Variants in PCDH11X observed in about 807,000 individuals in gnomAD.
The protein encoded by PCDH11X is protocadherin-11 X-linked.
Under a neutral mutation model 53.3 loss-of-function variants are expected in PCDH11X, and 18 were observed. The ratio of observed to expected loss-of-function variants is 0.34; its 90% CI spans 0.23 to 0.50. The LOEUF (loss-of-function observed/expected upper bound fraction) is 0.50, where lower values mean the gene tolerates loss of function less well. PCDH11X is among the 20% of genes least tolerant of loss of function. The pLI is 0.98. For missense variants in PCDH11X, 570 were observed against 1,032.4 expected (o/e 0.55, Z 6.14); for synonymous variants, 279 against 393.3 (o/e 0.71, Z 3.44).
At chrX:92,346,796 G>A (rs1163103469) in intron 8 of PCDH11X, among the ~76,000 whole-genome samples, 1 of 111,764 alleles carries the variant, frequency 8.9e-6, no homozygotes, top group Non-Finnish European at 1.9e-5. Flanking sequence ...AATAAATAAT[G>A]CTTTAATTCA....
intron 10 of PCDH11X, among the ~76,000 whole-genome samples, chrX:92,515,953 G>A (rs2074263077): frequency 8.9e-6 from 1 of 111,963 alleles, no homozygotes; most frequent in Admixed American, 9.5e-5. Flanking sequence ...CTCTTGCAAT[G>A]TTATACTGCT....
chrX:92,340,104 A>T (rs2069718379), intron 8 of PCDH11X, among the ~76,000 whole-genome samples: 1 of 111,975 alleles, frequency 8.9e-6, no homozygotes, highest in African/African-American at 3.3e-5. Context: ...CAGGATGGTC[A>T]TTAAATCTTA....
rs1314060446 is a variant in PCDH11X, at chrX:91,791,884, C to T, written c.-379+12200C>T. On this transcript the variant is annotated intron_variant, in intron 1 of 10. Transcript: ENST00000682573. ...TTTTTTTTTTTTTTTTTTTTTGAGA[C>T]GGAGTCTCGCTCTGTCGCCCAGGCT... Among the ~76,000 whole-genome samples the T allele has an allele frequency of 8.3e-5, 7 of 84,138 alleles. No homozygotes were observed. In the South Asian group the frequency reaches 3.9e-3, roughly 47 times the overall value. The allele number at this position is 84,138 out of a possible 115,157, so 73.1% of individuals were successfully genotyped here.
chrX:92,463,973 G>T (rs1287500341), intron 9 of PCDH11X, among the ~76,000 whole-genome samples: 1 of 111,578 alleles, frequency 9.0e-6, no homozygotes, highest in Non-Finnish European at 1.9e-5. Flanking sequence ...AATGGTAATT[G>T]CATATTTTGT....
chrX:92,181,835 A>G (rs1397504836), intron 6 of PCDH11X, among the ~76,000 whole-genome samples: 4 of 112,505 alleles, frequency 3.6e-5, no homozygotes, highest in African/African-American at 1.3e-4. Flanking sequence ...AAATGCCTGG[A>G]CGTCAAGGCA....
chrX:92,359,760 C>T (rs1361064013), intron 8 of PCDH11X, among the ~76,000 whole-genome samples: 2 of 110,547 alleles, frequency 1.8e-5, no homozygotes, highest in South Asian at 3.9e-4. Context: ...CCACTATTAC[C>T]TAAGAGCATC....
At chrX:92,088,681 G>T (rs1490291808) in intron 6 of PCDH11X, among the ~76,000 whole-genome samples, 3 of 111,772 alleles carry the variant, frequency 2.7e-5, no homozygotes, top group Non-Finnish European at 3.8e-5. Context: ...CTACTGTAAA[G>T]TACGTTTCTT....
rs745651537 is a variant in PCDH11X at position 92,147,100 on chromosome X, G to T, written c.3034-54275G>T. On this transcript the variant is annotated intron_variant, in intron 6 of 10. Coordinates refer to ENST00000682573, the MANE Select transcript of PCDH11X (RefSeq NM_032968.5). Reference sequence around the variant, plus strand: ...ATCTTAAATGGGAATGAAATAAATAGCTCAGTAGAGACATTATTATTATTA... The same window carrying T: ...ATCTTAAATGGGAATGAAATAAATATCTCAGTAGAGACATTATTATTATTA... 4.6e-5 allele frequency among the ~76,000 whole-genome samples: 5 copies of T among 107,948 alleles called. No homozygotes were observed. In the South Asian group the frequency reaches 1.9e-3, roughly 41 times the overall value. 93.7% of individuals were successfully genotyped at this position (107,948 alleles called of 115,157 possible).
chrX:92,607,084 A>C lies in PCDH11X; in HGVS notation c.3368-11180A>C, dbSNP rs1485305623. On this transcript the variant is annotated intron_variant, in intron 10 of 10. Transcript: ENST00000682573. ...TGCATTTCTGATGTTTATGTAAAAT[A>C]GTGCACCCAATTTGGAAAACAATTT... is the stretch of plus-strand genomic sequence containing the variant. Among the ~76,000 whole-genome samples, 3 of 111,211 alleles carry C rather than the reference A, an allele frequency of 2.7e-5. No homozygotes were observed. In the East Asian group the frequency reaches 8.5e-4, roughly 31 times the overall value.
intron 7 of PCDH11X, among the ~76,000 whole-genome samples, chrX:92,218,663 T>C (rs2066780840): frequency 9.0e-6 from 1 of 111,102 alleles, no homozygotes; most frequent in African/African-American, 3.3e-5. Flanking sequence ...TTCCAATCAA[T>C]AGAAAAAGAG....
At chrX:92,567,937 C>A (rs1425448389) in intron 10 of PCDH11X, among the ~76,000 whole-genome samples, 2 of 109,565 alleles carry the variant, frequency 1.8e-5, no homozygotes, top group Non-Finnish European at 3.8e-5. Flanking sequence ...ATGCGACAAA[C>A]CACCATGGCA....
At chrX:92,352,696 TC>T (rs955865275) in intron 8 of PCDH11X, among the ~76,000 whole-genome samples, 4 of 111,167 alleles carry the variant, frequency 3.6e-5, no homozygotes, top group Non-Finnish European at 7.5e-5. Flanking sequence ...TGTAGTAGTC[TC>T]CCCTTTTCCT....
intron 6 of PCDH11X, among the ~76,000 whole-genome samples, chrX:92,183,761 C>A (rs1456330883): frequency 8.9e-6 from 1 of 112,059 alleles, no homozygotes; most frequent in East Asian, 2.8e-4. Flanking sequence ...AGACACACCA[C>A]GTACAGCAAA....
chrX:92,400,317 T>C (rs923213457), intron 9 of PCDH11X, among the ~76,000 whole-genome samples: 3 of 111,680 alleles, frequency 2.7e-5, no homozygotes, highest in Non-Finnish European at 5.6e-5. Flanking sequence ...TTAAGAATTC[T>C]TCTGGATCAT....
chrX:92,512,238 C>A (rs1167732083), intron 10 of PCDH11X, among the ~76,000 whole-genome samples: 1 of 111,153 alleles, frequency 9.0e-6, no homozygotes, highest in African/African-American at 3.3e-5. Context: ...TCTCAGAAAG[C>A]AAAATAATTT....
chrX:92,274,842 G>T (rs922972905), intron 8 of PCDH11X, among the ~76,000 whole-genome samples: 16 of 109,563 alleles, frequency 1.5e-4, no homozygotes, highest in Non-Finnish European at 3.0e-4. Flanking sequence ...GCATGATCAG[G>T]GTGAGGAACA....
chrX:92,059,150 C>T (rs1261939535), intron 6 of PCDH11X, among the ~76,000 whole-genome samples: 1 of 105,858 alleles, frequency 9.4e-6, no homozygotes, highest in Non-Finnish European at 1.9e-5. Context: ...TAATTTTGTG[C>T]TTAAAAGCAA....
chrX:91,969,683 A>T (rs1242106610), intron 6 of PCDH11X, among the ~76,000 whole-genome samples: 1 of 107,923 alleles, frequency 9.3e-6, no homozygotes, highest in Non-Finnish European at 1.9e-5. Flanking sequence ...CTGTGTCCCA[A>T]CTACTCGGGA....
chrX:92,200,597 C>A (rs1212760478), intron 6 of PCDH11X, among the ~76,000 whole-genome samples: 1 of 111,991 alleles, frequency 8.9e-6, no homozygotes, highest in Non-Finnish European at 1.9e-5. Flanking sequence ...TTGGTAAAAT[C>A]TGTTAATTCC....
Sources: gnomAD v4.1 joint callset for allele counts (sites outside exome capture counted in the v4.1 genomes callset) on GRCh38, gnomAD v4.1.1 for gene constraint, MANE v1.5 for transcripts, NCBI Gene and HGNC (gene_info 2026-07-23, HGNC 2026-07-21) for gene names.